THADA: variants seen among roughly 807,000 people sequenced by gnomAD.
THADA encodes tRNA (32-2'-O)-methyltransferase regulator THADA.
THADA carries 213 observed loss-of-function variants against 219.8 expected under a neutral mutation model. The ratio of observed to expected loss-of-function variants is 0.97; its 90% CI spans 0.87 to 1.09. The LOEUF (loss-of-function observed/expected upper bound fraction) is 1.09, where lower values mean the gene tolerates loss of function less well. THADA is among the 50% of genes least tolerant of loss of function. The pLI, the probability that THADA is intolerant of heterozygous loss-of-function variation, is 0.00. For missense variants in THADA, 2,956 were observed against 2,311.3 expected, an observed-to-expected ratio of 1.28 and a Z score of -5.72; for synonymous variants, 1,018 against 828.9, an observed-to-expected ratio of 1.23 and a Z score of -3.92.
intron 29 of THADA, among the ~76,000 whole-genome samples, chr2:43,372,572 G>A (rs1015569215): frequency 2.6e-5 from 4 of 151,962 alleles, no homozygotes; most frequent in Admixed American, 2.6e-4. Flanking sequence ...GAGTGTGAAG[G>A]TCCTCAAATC....
In THADA at chr2:43,551,797, G is replaced by A. The variant is rs1558957104; in HGVS notation, c.2939C>T (p.Thr980Ile). The A allele has an allele frequency of 6.2e-7, 1 of 1,612,932 alleles. No individual in the cohort carries two copies. Among genetic ancestry groups the A allele is most frequent in the African/African-American group, 1.3e-5 (1 of 74,960 alleles). Residue 980 changes from threonine to isoleucine, a missense_variant, in exon 19 of 38, where the codon ACT becomes ATT. Coordinates refer to ENST00000405975, the MANE Select transcript of THADA (RefSeq NM_022065.5). ...CTTCTTCATTTGCTAACCTGAATCA[G>A]TGTCCATTGGGATGAGGCCTTCAGG... ...SSPEGLIPMD[T>I]DSESASRLQM...
rs773814754 is a variant in THADA, at chr2:43,292,871, A to G, written c.4781T>C (p.Leu1594Ser). ...LCNMGEKFLL[L>S]AMKENHPECF... ...TTCTGGGTGATTTTCCTTCATGGCC[A>G]ACAATAAGAACTTCTCTCCCATGTT... Residue 1594 changes from leucine (L) to serine (S), a missense_variant, in exon 32 of 38, where the codon TTG becomes TCG. Coordinates refer to ENST00000405975, the MANE Select transcript of THADA (RefSeq NM_022065.5). The G allele has an allele frequency of 3.1e-6, 5 of 1,613,768 alleles. No homozygotes were observed. The highest frequency in any genetic ancestry group is 4.2e-6 in the Non-Finnish European group (5 of 1,179,870).
At chr2:43,515,908 C>A (rs1558894451) in intron 22 of THADA, among the ~76,000 whole-genome samples, 1 of 151,952 alleles carries the variant, frequency 6.6e-6, no homozygotes, top group Non-Finnish European at 1.5e-5. Flanking sequence ...CTTAACATGC[C>A]CCAAACTAAA....
chr2:43,536,087 C>A (rs993694919), intron 21 of THADA, among the ~76,000 whole-genome samples: 2 of 152,102 alleles, frequency 1.3e-5, no homozygotes, highest in Non-Finnish European at 2.9e-5. Context: ...CAGGCATGAC[C>A]CACCGTGCCC....
intron 21 of THADA, among the ~76,000 whole-genome samples, chr2:43,535,135 G>A (rs141849618): frequency 0.014 from 949 of 68,814 alleles, 5 homozygotes; most frequent in South Asian, 0.024. Flanking sequence ...CGTCATTTCT[G>A]TTTTTGAGAA....
rs754267621 is a variant in THADA, at chr2:43,570,441, G to C, written c.2134C>G (p.Pro712Ala). ...TGCTGTTTGGTTAACTCATTCTCTG[G>C]TTCACGTTTGGATTTACTCTGCTCC... ...KLEQSKSKRE[P>A]ENELTKQHPS... The change falls in exon 14 of 38, where the codon CCA (proline) becomes GCA (alanine). Residue 712 changes from proline to alanine, a missense_variant. Transcript: ENST00000405975. 6.2e-7 allele frequency: 1 copy of C among 1,613,430 alleles called. No homozygotes were observed. The highest frequency in any genetic ancestry group is 8.5e-7 in the Non-Finnish European group (1 of 1,179,626).
At chr2:43,451,884 A>G (rs1682385872) in intron 26 of THADA, among the ~76,000 whole-genome samples, 1 of 152,204 alleles carries the variant, frequency 6.6e-6, no homozygotes, top group Non-Finnish European at 1.5e-5. Context: ...AGGCAGGTCA[A>G]TCACCTGAGG....
Position 43,426,561 on chromosome 2 carries a change from G to T in THADA, c.4058+1539C>A, listed in dbSNP as rs1262628572. Among the ~76,000 whole-genome samples the T allele has an allele frequency of 2.6e-5, 4 of 152,246 alleles. No individual in the cohort carries two copies. The East Asian group carries it at 7.7e-4, about 29-fold the overall frequency. On this transcript the variant is annotated intron_variant, in intron 28 of 37. Coordinates refer to ENST00000405975, the MANE Select transcript of THADA (RefSeq NM_022065.5). ...ACCAAATGCCAGATGAAGGAGACTG[G>T]TAACTTTGTATATCAGGAAACAAAA...
intron 29 of THADA, among the ~76,000 whole-genome samples, chr2:43,381,017 G>T (rs1260962202): frequency 1.4e-5 from 2 of 141,568 alleles, no homozygotes; most frequent in Non-Finnish European, 3.0e-5. Flanking sequence ...AGAATCACTT[G>T]AACCTGGGAG....
intron 21 of THADA, among the ~76,000 whole-genome samples, chr2:43,538,275 G>A (rs1030571144): frequency 6.6e-6 from 1 of 152,162 alleles, no homozygotes; most frequent in African/African-American, 2.4e-5. Flanking sequence ...CAACTAGTCA[G>A]GAAGTTGTGA....
chr2:43,565,452 T>C (rs1339411847), intron 15 of THADA: 1 of 143,118 alleles, frequency 7.0e-6, no homozygotes, highest in Non-Finnish European at 1.5e-5. Flanking sequence ...AAAAAAAAGA[T>C]GAATCTAGGT....
At chr2:43,375,048 GA>G (rs957299600) in intron 29 of THADA, among the ~76,000 whole-genome samples, 172 of 145,004 alleles carry the variant, frequency 1.2e-3, no homozygotes, top group African/African-American at 3.8e-3. Flanking sequence ...GGACCAAAAA[GA>G]AAAAAAAAAC....
chr2:43,408,090 A>G (rs1040174230), intron 28 of THADA, among the ~76,000 whole-genome samples: 1 of 152,252 alleles, frequency 6.6e-6, no homozygotes, highest in Admixed American at 6.5e-5. Flanking sequence ...CTAAAGCTTT[A>G]TTCAATATTA....
intron 31 of THADA, among the ~76,000 whole-genome samples, chr2:43,316,238 T>G (rs999114163): frequency 6.6e-6 from 1 of 152,216 alleles, no homozygotes. Context: ...CTTTCTTTAG[T>G]GCCTCAAATG....
At chr2:43,286,065 C>T (rs1673964748) in intron 35 of THADA, among the ~76,000 whole-genome samples, 1 of 152,210 alleles carries the variant, frequency 6.6e-6, no homozygotes, top group Admixed American at 6.5e-5. Context: ...GCTGCCACAG[C>T]TTCACACTCA....
At position 43,361,267 on chromosome 2, in the gene THADA, G is replaced by C. The variant is rs17030718; in HGVS notation, c.4228-17030C>G. 3.8e-3 allele frequency among the ~76,000 whole-genome samples: 573 copies of C among 152,304 alleles called. 2 individuals are homozygous for C. The highest frequency in any genetic ancestry group is 0.013 in the African/African-American group (543 of 41,562). The stretch of plus-strand genomic sequence containing the variant: ...ATTATTTAATCTCTTTGAGTCCTAA[G>C]TTCCTCATCTATAAAATAAAGCTAA... On this transcript the variant is annotated intron_variant, in intron 29 of 37. Coordinates refer to ENST00000405975, the MANE Select transcript of THADA (RefSeq NM_022065.5).
At chr2:43,354,035 T>G (rs1644385451) in intron 29 of THADA, among the ~76,000 whole-genome samples, 2 of 152,020 alleles carry the variant, frequency 1.3e-5, no homozygotes, top group Admixed American at 6.5e-5. Context: ...GCCAGGCTGG[T>G]CTCAATCTCC....
chr2:43,498,679 C>T (rs1369756194), intron 25 of THADA, among the ~76,000 whole-genome samples, 154 bp downstream of exon 25: 1 of 151,768 alleles, frequency 6.6e-6, no homozygotes, highest in Non-Finnish European at 1.5e-5. Context: ...CATGAAATAT[C>T]AAGAATCAAA....
intron 25 of THADA, among the ~76,000 whole-genome samples, chr2:43,495,562 A>G (rs1473244800): frequency 6.6e-6 from 1 of 151,940 alleles, no homozygotes; most frequent in Admixed American, 6.6e-5. Flanking sequence ...GCTTTTCTTT[A>G]TTTTCAAAAT....
Sources: gnomAD v4.1 joint callset for allele counts (sites outside exome capture counted in the v4.1 genomes callset) on GRCh38, gnomAD v4.1.1 for gene constraint, MANE v1.5 for transcripts, NCBI Gene and HGNC (gene_info 2026-07-23, HGNC 2026-07-21) for gene names.